Variants in MCM7 observed in about 807,000 individuals in gnomAD.
MCM7 encodes DNA replication licensing factor MCM7.
MCM7 carries 95 observed loss-of-function variants against 83.5 expected under a neutral mutation model. The ratio of observed to expected loss-of-function variants is 1.14; its 90% CI spans 0.96 to 1.35. The LOEUF (loss-of-function observed/expected upper bound fraction) is 1.35, where lower values mean the gene tolerates loss of function less well. MCM7 is among the 40% of genes most tolerant of loss of function. MCM7 has a pLI of 0.00. For missense variants in MCM7, 1,087 were observed against 957.4 expected, an observed-to-expected ratio of 1.14 and a Z score of -1.79; for synonymous variants, 461 against 352.7, an observed-to-expected ratio of 1.31 and a Z score of -3.44.
intron 1 of MCM7, 143 bp from the exon 2 acceptor site, chr7:100,100,236 A>AG: frequency 7.0e-7 from 1 of 1,428,274 alleles, no homozygotes; most frequent in Non-Finnish European, 9.2e-7. Context: ...AAGTGGGCAT[A>AG]ACTCTTTTTC....
intron 1 of MCM7, among the ~76,000 whole-genome samples, chr7:100,101,048 C>T (rs1197971704): frequency 1.3e-5 from 2 of 152,160 alleles, no homozygotes; most frequent in African/African-American, 4.8e-5. Flanking sequence ...AACACCTTTA[C>T]CAGGTGGGAT....
intron 13 of MCM7, chr7:100,093,650 G>A (rs775348902): frequency 5.0e-5 from 37 of 738,116 alleles, no homozygotes; most frequent in Non-Finnish European, 7.7e-5. Flanking sequence ...GGCCAGTCCC[G>A]GAGTTCAGCT....
chr7:100,100,716 C>A (rs1795953773), intron 1 of MCM7: 1 of 988,990 alleles, frequency 1.0e-6, no homozygotes, highest in Admixed American at 6.1e-5. Context: ...CCGCAGCTCT[C>A]TCCGCGGCCG....
rs369264509 is a variant in MCM7 at position 100,097,719 on chromosome 7, C to T, written c.1012G>A (p.Ala338Thr). ...CCGTATATTTCTGGGGCGATTGAAG[C>T]TGCCAGCTTTTCGTAGAAATCCTCC... is the stretch of plus-strand genomic sequence containing the variant. The part of the protein sequence containing the change: ...AEEDFYEKLA[A>T]SIAPEIYGHE... Residue 338 changes from alanine to threonine, a missense_variant, in exon 9 of 15, where the codon GCT becomes ACT. By Grantham distance (58) the Ala-to-Thr change is moderately conservative (BLOSUM62 0). Transcript: ENST00000303887. The T allele has an allele frequency of 1.2e-6, 2 of 1,614,110 alleles. No individual in the cohort carries two copies. Among genetic ancestry groups the T allele is most frequent in the Non-Finnish European group, 1.7e-6 (2 of 1,180,056 alleles).
rs776303049 is a variant in MCM7, at chr7:100,095,373, C to G, written c.1679+14G>C. 22 of 1,609,634 alleles carry G rather than the reference C, an allele frequency of 1.4e-5. No homozygotes were observed. The highest frequency in any genetic ancestry group is 1.7e-5 in the Non-Finnish European group (20 of 1,178,432). On this transcript the variant is annotated intron_variant, in intron 12 of 14. Coordinates refer to ENST00000303887, the MANE Select transcript of MCM7 (RefSeq NM_005916.5). ...CCACGCCAACGTTTGCCCACCCGCA[C>G]CCAGCTCTCCTACCTCATGAGCTTC...
At position 100,093,368 on chromosome 7, in the gene MCM7, C is replaced by A; in HGVS notation, c.1882G>T (p.Glu628Ter). Residue 628 changes from glutamate (E) to a stop codon, truncating the protein, a stop_gained, in exon 14 of 15, where the codon GAA becomes TAA. Coordinates refer to ENST00000303887, the MANE Select transcript of MCM7 (RefSeq NM_005916.5). LOFTEE classifies it high-confidence loss of function. ...AGCCTGATGGCTTCATTCACATCTT[C>A]TTTCTCCACCACATCCACCATTCTC... ...RLRMVDVVEK[E>*]DVNEAIRLME... 6.2e-7 allele frequency: 1 copy of A among 1,614,158 alleles called. No individual in the cohort carries two copies. The highest frequency in any genetic ancestry group is 8.5e-7 in the Non-Finnish European group (1 of 1,180,038).
chr7:100,098,325 A>T, intron 6 of MCM7, 35 bp from the exon 7 acceptor site: 1 of 1,609,798 alleles, frequency 6.2e-7, no homozygotes, highest in Non-Finnish European at 8.5e-7. Context: ...ACTAGGAGAA[A>T]TGGACAAGGA....
chr7:100,098,015 C>CT (rs1188524942), intron 7 of MCM7, 67 bp from the exon 8 acceptor site: 7 of 1,585,318 alleles, frequency 4.4e-6, no homozygotes, highest in Non-Finnish European at 6.1e-6. Flanking sequence ...GATTCCCTAA[C>CT]AATTTCTTGA....
intron 1 of MCM7, chr7:100,100,766 CCTCCTCGCGCCA>C: frequency 1.0e-6 from 1 of 992,510 alleles, no homozygotes; most frequent in Non-Finnish European, 1.2e-6. Context: ...CTCCCTCCAG[CCTCCTCGCGCCA>C]CTTCCGCCCG....
Position 100,095,435 on chromosome 7 carries a change from C to CTGTGCTGGTGCACATAGGTGA in MCM7, c.1610_1630dup (p.Ile537_His543dup). ...TTCAAACTGGGAGGGGGGCTGCCGG[C>CTGTGCTGGTGCACATAGGTGA]TGTGCTGGTGCACATAGGTGATGTG... On this transcript the variant is annotated inframe_insertion, in exon 12 of 15. Transcript: ENST00000303887. 6.2e-7 allele frequency: 1 copy of CTGTGCTGGTGCACATAGGTGA among 1,614,132 alleles called. No individual in the cohort carries two copies. The highest frequency in any genetic ancestry group is 8.5e-7 in the Non-Finnish European group (1 of 1,180,030).
intron 12 of MCM7, 54 bp downstream of exon 12, chr7:100,095,333 G>T: frequency 6.6e-7 from 1 of 1,508,244 alleles, no homozygotes; most frequent in South Asian, 1.2e-5. Flanking sequence ...CACTTTTTCA[G>T]GAGGCTCGCA....
In MCM7 at chr7:100,093,033, G is replaced by C; in HGVS notation, c.2059C>G (p.Arg687Gly). ...FSEAEQRCVS[R>G]GFTPAQFQAA... ...TGGAACTGGGCGGGTGTGAAGCCAC[G>C]AGATACACAGCGCTGCTCTGCCTCA... Residue 687 changes from arginine (R) to glycine (G), a missense_variant, in exon 15 of 15, where the codon CGT becomes GGT. Arg to Gly is a moderately radical substitution (Grantham distance 125). Transcript: ENST00000303887. 1 of 1,614,234 alleles carries C rather than the reference G, an allele frequency of 6.2e-7. No individual in the cohort carries two copies. The highest frequency in any genetic ancestry group is 8.5e-7 in the Non-Finnish European group (1 of 1,180,038).
At chr7:100,096,435 G>A (rs1795639625) in intron 10 of MCM7, among the ~76,000 whole-genome samples, 1 of 152,276 alleles carries the variant, frequency 6.6e-6, no homozygotes, top group Non-Finnish European at 1.5e-5. Flanking sequence ...CCAAGTAACT[G>A]AGACTATAGG....
At position 100,094,352 on chromosome 7, in the gene MCM7, A is replaced by C. The variant is rs748720750; in HGVS notation, c.1680-11T>G. 2 of 1,613,798 alleles carry C rather than the reference A, an allele frequency of 1.2e-6. No homozygotes were observed. The highest frequency in any genetic ancestry group is 1.6e-4 in the Middle Eastern group (1 of 6,062). ...ATGGCTATGTAACGCCTGTGGGGGA[A>C]GGTTCATGGGGAAGCAGAAGAGGGA... On this transcript the variant is annotated splice_polypyrimidine_tract_variant and intron_variant, in intron 12 of 14. Transcript: ENST00000303887.
chr7:100,092,773 TAGA>T lies in MCM7; in HGVS notation c.*156_*158del. 1 of 742,800 alleles carries T rather than the reference TAGA, an allele frequency of 1.3e-6. No homozygotes were observed. Among genetic ancestry groups the T allele is most frequent in the Non-Finnish European group, 2.2e-6 (1 of 455,984 alleles). The allele number at this position is 742,800 out of a possible 1,614,324, so 46.0% of individuals were successfully genotyped here. ...GTTTTAATGGAAGTCAGGCCCAGGC[TAGA>T]AGATGACAATCTACAAACACTTTTA... On this transcript the variant is annotated 3_prime_UTR_variant, in exon 15 of 15. Coordinates refer to ENST00000303887, the MANE Select transcript of MCM7 (RefSeq NM_005916.5).
chr7:100,097,781 GAAAAGGGAGC>G (rs1452889586), intron 8 of MCM7, 36 bp from the exon 9 acceptor site: 4 of 1,613,966 alleles, frequency 2.5e-6, no homozygotes, highest in Non-Finnish European at 3.4e-6. Context: ...TTTTCTGGGG[GAAAAGGGAGC>G]TAGGATGTAA....
At chr7:100,101,210 G>A in intron 1 of MCM7, 54 bp downstream of exon 1, 1 of 1,607,796 alleles carries the variant, frequency 6.2e-7, no homozygotes, top group Non-Finnish European at 8.5e-7. Context: ...ACCAACAGGT[G>A]TTCCCCGGGA....
chr7:100,099,516 A>T, intron 3 of MCM7, 73 bp downstream of exon 3: 1 of 1,586,132 alleles, frequency 6.3e-7, no homozygotes, highest in Non-Finnish European at 8.6e-7. Context: ...AGAAAACATC[A>T]GTATCTGAGC....
chr7:100,098,669 T>G lies in MCM7; in HGVS notation c.629A>C (p.Glu210Ala). The change falls in exon 6 of 15, where the codon GAG becomes GCG. Residue 210 changes from glutamate to alanine, a missense_variant. By Grantham distance (107) the Glu-to-Ala change is moderately radical (BLOSUM62 -1). Coordinates refer to ENST00000303887, the MANE Select transcript of MCM7 (RefSeq NM_005916.5). Reference protein sequence around the residue: ...FMPLIMCPSQECQTNRSGGRL... With the variant: ...FMPLIMCPSQACQTNRSGGRL... ...CCCTCCTGAGCGGTTGGTTTGGCAC[T>G]CCTGGCTTGGGCACATGATCAGAGG... is the stretch of plus-strand genomic sequence containing the variant. The G allele has an allele frequency of 6.2e-7, 1 of 1,614,070 alleles. No individual in the cohort carries two copies.
Sources: gnomAD v4.1 joint callset for allele counts (sites outside exome capture counted in the v4.1 genomes callset) on GRCh38, gnomAD v4.1.1 for gene constraint, MANE v1.5 for transcripts, NCBI Gene and HGNC (gene_info 2026-07-23, HGNC 2026-07-21) for gene names.